Variants in MAP3K1 observed in about 807,000 individuals in gnomAD.
MAP3K1 encodes MAP/ERK kinase kinase 1.
A neutral mutation model predicts 144.2 loss-of-function variants in MAP3K1; 36 were observed. The observed-to-expected ratio is 0.25, with a 90% CI of 0.19 to 0.33. MAP3K1 has a LOEUF of 0.33. Ranked by LOEUF, MAP3K1 falls within the 10% of genes least tolerant of loss-of-function variation. The probability of loss-of-function intolerance (pLI) is 1.00; values close to 1 mark genes in which losing one functional copy is unlikely to be tolerated. For synonymous variants in MAP3K1, 718 were observed against 688.7 expected (o/e 1.04, Z -0.67); for missense variants, 1,650 against 1,881.9 (o/e 0.88, Z 2.28).
chr5:56,865,596 AGT>A, intron 5 of MAP3K1, 140 bp downstream of exon 5: 2 of 701,316 alleles, frequency 2.9e-6, no homozygotes, highest in Non-Finnish European at 4.9e-6. Flanking sequence ...GCTTATAAAT[AGT>A]TCTCATGAGA....
chr5:56,884,957 T>C, intron 16 of MAP3K1, 131 bp downstream of exon 16: 1 of 735,362 alleles, frequency 1.4e-6, no homozygotes. Flanking sequence ...CACCCCAATA[T>C]ATTAGTATGA....
At chr5:56,883,779 G>C in intron 15 of MAP3K1, 100 bp downstream of exon 15, 2 of 1,256,730 alleles carry the variant, frequency 1.6e-6, no homozygotes, top group Non-Finnish European at 2.3e-6. Flanking sequence ...GTGTACTTTA[G>C]TTCTTTAAAC....
intron 1 of MAP3K1, among the ~76,000 whole-genome samples, chr5:56,827,721 G>A (rs1241263883): frequency 6.6e-6 from 1 of 152,090 alleles, no homozygotes; most frequent in Non-Finnish European, 1.5e-5. Context: ...AAAATTAGCC[G>A]GGCTTGGTGG....
At chr5:56,861,459 C>A (rs1483833840) in intron 3 of MAP3K1, among the ~76,000 whole-genome samples, 1 of 151,260 alleles carries the variant, frequency 6.6e-6, no homozygotes, top group East Asian at 2.0e-4. Flanking sequence ...GTAATCCCAG[C>A]TACTTTGGAG....
At chr5:56,851,600 T>C (rs191425545) in intron 1 of MAP3K1, among the ~76,000 whole-genome samples, 4 of 152,346 alleles carry the variant, frequency 2.6e-5, no homozygotes, top group Admixed American at 2.0e-4. Context: ...TTTCTACTTA[T>C]TACCTTGCTC....
intron 18 of MAP3K1, chr5:56,887,913 G>T: frequency 2.2e-6 from 1 of 449,150 alleles, no homozygotes; most frequent in Admixed American, 3.8e-5. Flanking sequence ...TTCTGACTCA[G>T]CTTCTTCTGT....
At position 56,815,824 on chromosome 5, in the gene MAP3K1, C is replaced by A. The variant is rs2111726858; in HGVS notation, c.251C>A (p.Pro84Gln). The change falls in exon 1 of 20, where the codon CCG becomes CAG. Residue 84 changes from proline to glutamine, a missense_variant. Pro to Gln is a moderately conservative substitution (Grantham distance 76, BLOSUM62 -1). Transcript: ENST00000399503. ...PEQPLFLAAS[P>Q]PASSTSPSPE... ...CAGCCGCTCTTCCTTGCCGCCTCAC[C>A]GCCGGCCTCCTCGACTTCCCCGTCG... is the stretch of plus-strand genomic sequence containing the variant. The A allele has an allele frequency of 7.1e-7, 1 of 1,417,498 alleles. No homozygotes were observed. Among genetic ancestry groups the A allele is most frequent in the South Asian group, 1.4e-5 (1 of 70,618 alleles). 87.8% of individuals were successfully genotyped at this position (1,417,498 alleles called of 1,614,324 possible).
chr5:56,890,894 A>AT (rs1212888893), intron 19 of MAP3K1, among the ~76,000 whole-genome samples: 10 of 151,850 alleles, frequency 6.6e-5, no homozygotes, highest in Non-Finnish European at 1.3e-4. Context: ...AAAAAAAAAA[A>AT]AATTAGCTGG....
At chr5:56,844,558 T>A (rs1299923001) in intron 1 of MAP3K1, among the ~76,000 whole-genome samples, 1 of 152,074 alleles carries the variant, frequency 6.6e-6, no homozygotes, top group African/African-American at 2.4e-5. Flanking sequence ...CCAGTTCTGT[T>A]CTTTAAAATT....
intron 1 of MAP3K1, among the ~76,000 whole-genome samples, chr5:56,844,456 G>C (rs996426200): frequency 1.3e-5 from 2 of 152,088 alleles, no homozygotes; most frequent in African/African-American, 4.8e-5. Flanking sequence ...TGGGATTACA[G>C]GTGTGAGCCA....
chr5:56,839,708 C>G (rs919409115), intron 1 of MAP3K1, among the ~76,000 whole-genome samples: 4 of 152,124 alleles, frequency 2.6e-5, no homozygotes, highest in Non-Finnish European at 5.9e-5. Flanking sequence ...TTCCCCCTGA[C>G]ACCCCAAAGA....
chr5:56,871,830 C>A, intron 6 of MAP3K1, 80 bp from the exon 7 acceptor site: 1 of 1,325,906 alleles, frequency 7.5e-7, no homozygotes, highest in South Asian at 1.2e-5. Context: ...ATATTCTAAG[C>A]AAGCAGAAAG....
chr5:56,836,217 C>T (rs1746651170), intron 1 of MAP3K1, among the ~76,000 whole-genome samples: 1 of 152,102 alleles, frequency 6.6e-6, no homozygotes, highest in African/African-American at 2.4e-5. Flanking sequence ...CGTCCAAGCC[C>T]TCTGAGTGGC....
chr5:56,870,316 G>A (rs1747813682), intron 6 of MAP3K1, among the ~76,000 whole-genome samples: 1 of 152,042 alleles, frequency 6.6e-6, no homozygotes, highest in African/African-American at 2.4e-5. Context: ...TATGATTTGA[G>A]GCAACTTATT....
At chr5:56,871,880 C>G (rs368668225) in intron 6 of MAP3K1, 30 bp from the exon 7 acceptor site, 2 of 1,608,832 alleles carry the variant, frequency 1.2e-6, no homozygotes, top group African/African-American at 1.3e-5. Flanking sequence ...TTCTTTTATG[C>G]TTAATACTTT....
At chr5:56,824,224 T>C (rs1414019683) in intron 1 of MAP3K1, among the ~76,000 whole-genome samples, 3 of 152,340 alleles carry the variant, frequency 2.0e-5, no homozygotes, top group South Asian at 4.1e-4. Flanking sequence ...GCCTCTCTTA[T>C]CTAGAACATG....
At chr5:56,859,634 G>T in intron 2 of MAP3K1, 81 bp from the exon 3 acceptor site, 1 of 1,001,478 alleles carries the variant, frequency 1.0e-6, no homozygotes, top group South Asian at 1.4e-5. Flanking sequence ...CTCATTAAGT[G>T]TATTTCCTAG....
At chr5:56,888,530 A>G (rs1387145226) in intron 19 of MAP3K1, among the ~76,000 whole-genome samples, 173 bp downstream of exon 19, 1 of 152,234 alleles carries the variant, frequency 6.6e-6, no homozygotes, top group Non-Finnish European at 1.5e-5. Context: ...AGATGGTGCA[A>G]AAGCAATACA....
intron 1 of MAP3K1, among the ~76,000 whole-genome samples, chr5:56,825,556 T>C (rs935898848): frequency 3.9e-5 from 6 of 152,180 alleles, no homozygotes; most frequent in African/African-American, 1.2e-4. Flanking sequence ...ATGTCCAGGC[T>C]GCATCTCTGC....
Sources: allele counts gnomAD v4.1 joint callset (sites outside exome capture counted in the v4.1 genomes callset), GRCh38; gene constraint gnomAD v4.1.1; transcripts MANE v1.5; gene names NCBI Gene and HGNC (gene_info 2026-07-23, HGNC 2026-07-21).